Variants in ZNF618 observed in about 807,000 individuals in gnomAD.
The protein encoded by ZNF618 is neural precursor cell expressed, developmentally down-regulated 10.
A neutral mutation model predicts 103.0 loss-of-function variants in ZNF618; 34 were observed. That is an observed-to-expected ratio of 0.33 (90% CI 0.25 to 0.44). ZNF618 has a LOEUF of 0.44. ZNF618 is among the 20% of genes least tolerant of loss of function. The pLI, the probability that ZNF618 is intolerant of heterozygous loss-of-function variation, is 1.00. For synonymous variants in ZNF618, 551 were observed against 542.2 expected (o/e 1.02, Z -0.23); for missense variants, 1,059 against 1,295.4 (o/e 0.82, Z 2.80).
intron 2 of ZNF618, among the ~76,000 whole-genome samples, chr9:113,983,791 C>T (rs920098204): frequency 7.9e-5 from 12 of 152,290 alleles, no homozygotes; most frequent in South Asian, 4.1e-4. Context: ...CTCTGCTACA[C>T]GTCCTGTGCC....
Position 113,876,330 on chromosome 9 carries a change from C to G in ZNF618, c.-51C>G, listed in dbSNP as rs1292245381. The G allele has an allele frequency of 5.2e-6, 6 of 1,149,082 alleles. No individual in the cohort carries two copies. The highest frequency in any genetic ancestry group is 1.7e-5 in the African/African-American group (1 of 60,492). The allele number at this position is 1,149,082 out of a possible 1,614,324, so 71.2% of individuals were successfully genotyped here. ...CGGCATTGTGCGCGCACCAGCAGCC[C>G]GGCCCGGGAGGAGCAGGACGCGCCG... is the stretch of plus-strand genomic sequence containing the variant. On this transcript the variant is annotated 5_prime_UTR_variant, in exon 1 of 15. Coordinates refer to ENST00000374126, the MANE Select transcript of ZNF618 (RefSeq NM_001318042.2).
chr9:114,012,889 G>T (rs1166339968), intron 9 of ZNF618, among the ~76,000 whole-genome samples: 2 of 151,948 alleles, frequency 1.3e-5, no homozygotes, highest in Non-Finnish European at 2.9e-5. Context: ...AGGAAGACCT[G>T]TATATGCAGA....
intron 10 of ZNF618, among the ~76,000 whole-genome samples, chr9:114,020,779 T>G (rs150688043): frequency 5.2e-4 from 79 of 152,188 alleles, no homozygotes; most frequent in African/African-American, 1.9e-3. Flanking sequence ...CAATCTGTAT[T>G]CTTTTTATTT....
intron 1 of ZNF618, among the ~76,000 whole-genome samples, chr9:113,939,276 T>C (rs1834330860): frequency 6.6e-6 from 1 of 151,970 alleles, no homozygotes; most frequent in African/African-American, 2.4e-5. Flanking sequence ...TCAGTGGTTT[T>C]TTTGTTTGTT....
intron 11 of ZNF618, among the ~76,000 whole-genome samples, chr9:114,029,472 G>A (rs997606581): frequency 5.3e-5 from 8 of 151,974 alleles, no homozygotes; most frequent in African/African-American, 7.3e-5. Flanking sequence ...TCCTCACCAC[G>A]CCTTACTGCC....
At chr9:113,984,052 C>T (rs544171887) in intron 2 of ZNF618, among the ~76,000 whole-genome samples, 1 of 152,292 alleles carries the variant, frequency 6.6e-6, no homozygotes, top group East Asian at 1.9e-4. Context: ...GCACAACACT[C>T]CCGAGGGCCC....
chr9:113,922,473 G>GT (rs1403335075), intron 1 of ZNF618, among the ~76,000 whole-genome samples: 6 of 99,884 alleles, frequency 6.0e-5, no homozygotes, highest in South Asian at 3.5e-4. Context: ...TTTTGTTTTG[G>GT]TTTGTTTTTT....
intron 3 of ZNF618, among the ~76,000 whole-genome samples, chr9:113,994,839 A>G (rs1253572509): frequency 1.3e-5 from 2 of 151,880 alleles, no homozygotes; most frequent in Non-Finnish European, 1.5e-5. Context: ...TGAAAACTGT[A>G]TATTCTTTTT....
rs1034371055 is a variant in ZNF618, at chr9:114,049,003, A to G, written c.1701A>G (p.Thr567=). ...SVGPDSCYIL[T]AYQAEGNHIK... is the part of the protein sequence containing the mutation. The stretch of plus-strand genomic sequence containing the variant: ...GCCCTGACTCCTGCTACATCCTCAC[A>G]GCCTACCAGGCCGAGGGCAACCACA... Residue 567 remains threonine (T), a synonymous_variant, in exon 15 of 15, where the codon ACA becomes ACG. Transcript: ENST00000374126. The G allele has an allele frequency of 2.5e-6, 4 of 1,613,396 alleles. No individual in the cohort carries two copies. Among genetic ancestry groups the G allele is most frequent in the South Asian group, 2.2e-5 (2 of 91,074 alleles).
intron 1 of ZNF618, among the ~76,000 whole-genome samples, chr9:113,943,216 C>G (rs1212527284): frequency 1.3e-4 from 20 of 152,202 alleles, no homozygotes; most frequent in Admixed American, 1.3e-3. Flanking sequence ...TGGCTCAGAG[C>G]AGGCATGGGA....
rs1474255605 is a variant in ZNF618, at chr9:114,038,984, A to G, written c.1246+2607A>G. On this transcript the variant is annotated intron_variant, in intron 13 of 14. Coordinates refer to ENST00000374126, the MANE Select transcript of ZNF618 (RefSeq NM_001318042.2). Reference sequence around the variant, plus strand: ...GAACAACCCTCAGAGTTAAGTGCCCATAACAGTTCCACTTCATAGCTAACG... The same window carrying G: ...GAACAACCCTCAGAGTTAAGTGCCCGTAACAGTTCCACTTCATAGCTAACG... 3.3e-5 allele frequency among the ~76,000 whole-genome samples: 5 copies of G among 152,332 alleles called. No individual in the cohort carries two copies. In the East Asian group the frequency reaches 9.6e-4, roughly 29 times the overall value.
intron 13 of ZNF618, among the ~76,000 whole-genome samples, chr9:114,043,067 T>A (rs1845354625): frequency 6.6e-6 from 1 of 152,246 alleles, no homozygotes; most frequent in Admixed American, 6.5e-5. Context: ...AATAATTCCT[T>A]TATTTTGCTG....
At chr9:113,883,230 T>C (rs79608411) in intron 1 of ZNF618, among the ~76,000 whole-genome samples, 1,996 of 152,348 alleles carry the variant, frequency 0.013, 34 homozygotes, top group African/African-American at 0.045. Context: ...TCTGAAGCCA[T>C]GGCTCCCCTG....
chr9:113,887,401 A>C (rs1168063003), intron 1 of ZNF618, among the ~76,000 whole-genome samples: 2 of 152,228 alleles, frequency 1.3e-5, no homozygotes, highest in African/African-American at 4.8e-5. Context: ...AGCAAAAACA[A>C]ATCTAAAAGA....
chr9:114,013,199 C>A (rs1018296243), intron 9 of ZNF618, among the ~76,000 whole-genome samples: 6 of 152,158 alleles, frequency 3.9e-5, no homozygotes, highest in African/African-American at 1.2e-4. Flanking sequence ...GACTTAAAAA[C>A]GTATTTTTTT....
At chr9:114,034,935 C>T (rs2134312012) in intron 12 of ZNF618, among the ~76,000 whole-genome samples, 1 of 152,228 alleles carries the variant, frequency 6.6e-6, no homozygotes, top group Admixed American at 6.5e-5. Context: ...GTAGGGTGTC[C>T]CGGAGGGATG....
At chr9:113,931,760 G>A (rs560050572) in intron 1 of ZNF618, among the ~76,000 whole-genome samples, 43 of 152,204 alleles carry the variant, frequency 2.8e-4, no homozygotes, top group Non-Finnish European at 5.0e-4. Flanking sequence ...GTATTGATAG[G>A]TTGAAATAAC....
Position 113,951,515 on chromosome 9 carries a change from G to GTGCACATATATGTGTA in ZNF618, c.34-17601_34-17600insGCACATATATGTGTAT, listed in dbSNP as rs1564207712. Among the ~76,000 whole-genome samples, 121 of 36,768 alleles carry GTGCACATATATGTGTA rather than the reference G, an allele frequency of 3.3e-3. 7 individuals are homozygous for GTGCACATATATGTGTA. The highest frequency in any genetic ancestry group is 2.6e-3 in the African/African-American group (35 of 13,274). The allele number at this position is 36,768 out of a possible 152,430, so 24.1% of individuals were successfully genotyped here. ...TGTGTATGTGTACACATATATGTGT[G>GTGCACATATATGTGTA]TATATGTACACATATGTGTGTACAT... On this transcript the variant is annotated intron_variant, in intron 1 of 14. Coordinates refer to ENST00000374126, the MANE Select transcript of ZNF618 (RefSeq NM_001318042.2).
At chr9:113,894,143 G>A (rs1043408001) in intron 1 of ZNF618, among the ~76,000 whole-genome samples, 1 of 151,880 alleles carries the variant, frequency 6.6e-6, no homozygotes, top group Non-Finnish European at 1.5e-5. Context: ...CATTTTATTA[G>A]CCAGAATTCT....
Sources: allele counts gnomAD v4.1 joint callset (sites outside exome capture counted in the v4.1 genomes callset), GRCh38; gene constraint gnomAD v4.1.1; transcripts MANE v1.5; gene names NCBI Gene and HGNC (gene_info 2026-07-23, HGNC 2026-07-21).